Variants in RPL12 observed in about 807,000 individuals in gnomAD.
RPL12 encodes the protein ribosomal protein L12, also known as large ribosomal subunit protein uL11.
A neutral mutation model predicts 24.5 loss-of-function variants in RPL12; 10 were observed. The observed-to-expected ratio is 0.41, with a 90% confidence interval of 0.25 to 0.69. The LOEUF (loss-of-function observed/expected upper bound fraction) is 0.69. Among genes scored for constraint, RPL12 ranks in the 30% least tolerant of loss-of-function variants. The probability of loss-of-function intolerance (pLI) is 0.33; values close to 1 mark genes in which losing one functional copy is unlikely to be tolerated. For synonymous variants in RPL12, 74 were observed against 76.1 expected, an observed-to-expected ratio of 0.97 and a Z score of 0.14; for missense variants, 137 against 205.3, an observed-to-expected ratio of 0.67 and a Z score of 2.03.
intron 4 of RPL12, chr9:127,448,657 C>G: frequency 1.4e-6 from 1 of 736,570 alleles, no homozygotes; most frequent in Non-Finnish European, 2.5e-6. Context: ...CAAGCCTTCA[C>G]AAATCTGACA....
intron 4 of RPL12, 27 bp from the exon 5 acceptor site, chr9:127,448,450 CTT>C (rs757788903): frequency 3.3e-5 from 49 of 1,474,522 alleles, no homozygotes; most frequent in Middle Eastern, 1.7e-4. Context: ...AGCAAAAGCT[CTT>C]TTAAAGTCTG....
At position 127,448,636 on chromosome 9, in the gene RPL12, G is replaced by A. The variant is rs559068212; in HGVS notation, c.293-213C>T. On this transcript the variant is annotated intron_variant, in intron 4 of 6. Coordinates refer to ENST00000361436, the MANE Select transcript of RPL12 (RefSeq NM_000976.4). The stretch of plus-strand genomic sequence containing the variant: ...TGGTCAGGTGCAGTGGCGGGTGGCT[G>A]AGGGCAAAACCAAGCCTTCACAAAT... 5.3e-6 allele frequency: 4 copies of A among 748,182 alleles called. No individual in the cohort carries two copies. In the African/African-American group the frequency reaches 6.8e-5, roughly 13 times the overall value. 46.3% of individuals were successfully genotyped at this position (748,182 alleles called of 1,614,324 possible). A position where few individuals can be genotyped will look rare whatever the true frequency, so the allele number is the denominator to read the frequency against.
chr9:127,449,925 C>T (rs1834246559), intron 2 of RPL12: 2 of 547,996 alleles, frequency 3.6e-6, no homozygotes, highest in East Asian at 3.1e-5. Flanking sequence ...AACCTAGACC[C>T]CCTCCTAAGT....
chr9:127,449,418 G>C (rs1195733831), intron 3 of RPL12, 56 bp from the exon 4 acceptor site: 2 of 1,497,742 alleles, frequency 1.3e-6, no homozygotes, highest in African/African-American at 2.8e-5. Flanking sequence ...TGCCATGCAC[G>C]CTGGCTCTCA....
intron 3 of RPL12, 105 bp from the exon 4 acceptor site, chr9:127,449,467 GT>G: frequency 7.6e-7 from 1 of 1,320,976 alleles, no homozygotes; most frequent in South Asian, 1.2e-5. Context: ...TTTGCCCTAG[GT>G]CCGTACTCTT....
chr9:127,451,143 T>C (rs4837153), intron 1 of RPL12, 138 bp downstream of exon 1: 147,855 of 1,197,342 alleles, frequency 0.12, 11,472 homozygotes, highest in Admixed American at 0.35. Flanking sequence ...AGGCTGAGGC[T>C]TGGCCGGGGC....
Position 127,449,322 on chromosome 9 carries a change from G to C in RPL12, c.251C>G (p.Ala84Gly), listed in dbSNP as rs149234502. The change falls in exon 4 of 7, where the codon GCC becomes GGC. Residue 84 changes from alanine to glycine, a missense_variant. Ala to Gly is a moderately conservative substitution (Grantham distance 60). Coordinates refer to ENST00000361436, the MANE Select transcript of RPL12 (RefSeq NM_000976.4). ...TCTGTCTCTTGGTGGTTCCTTGAGG[G>C]CTTTGATGATCAGGGCAGAGGCAGA... is the stretch of plus-strand genomic sequence containing the variant. ...VPSASALIIK[A>G]LKEPPRDRKK... 9.9e-6 allele frequency: 16 copies of C among 1,611,620 alleles called. No individual in the cohort carries two copies. The African/African-American group carries it at 1.7e-4, about 17-fold the overall frequency.
chr9:127,450,519 A>C (rs1588085159), intron 2 of RPL12: 2 of 523,624 alleles, frequency 3.8e-6, no homozygotes, highest in South Asian at 2.8e-5. Context: ...GCAGCAGTGG[A>C]GACACATGGA....
Position 127,448,416 on chromosome 9 carries a change from G to A in RPL12, c.300C>T (p.His100=), listed in dbSNP as rs1399837668. 4.3e-6 allele frequency: 7 copies of A among 1,609,802 alleles called. No homozygotes were observed. The highest frequency in any genetic ancestry group is 1.3e-5 in the African/African-American group (1 of 74,846). Residue 100 remains histidine, a synonymous_variant, in exon 5 of 7, where the codon CAC becomes CAT. Coordinates refer to ENST00000361436, the MANE Select transcript of RPL12 (RefSeq NM_000976.4). ...TCTCATCAAAAGTGATATTCCCACT[G>A]TGTTTAACTGCAGAAGAGGAAACAG... ...RDRKKQKNIK[H]SGNITFDEIV...
chr9:127,449,937 C>T (rs1353952247), intron 2 of RPL12: 2 of 521,480 alleles, frequency 3.8e-6, no homozygotes, highest in African/African-American at 1.9e-5. Flanking sequence ...CTCCTAAGTG[C>T]CCATGTGCTT....
At chr9:127,448,989 G>A (rs982329115) in intron 4 of RPL12, 9 of 355,278 alleles carry the variant, frequency 2.5e-5, no homozygotes, top group African/African-American at 1.7e-4. Context: ...GCACCACCAG[G>A]CTAATTTTGT....
chr9:127,448,832 C>CTTT (rs368058964), intron 4 of RPL12, among the ~76,000 whole-genome samples: 5 of 143,692 alleles, frequency 3.5e-5, no homozygotes, highest in Non-Finnish European at 3.0e-5. Context: ...CTACATGGCA[C>CTTT]TTTTTTTTTT....
At chr9:127,451,036 G>A (rs1481821266) in intron 1 of RPL12, 11 of 646,740 alleles carry the variant, frequency 1.7e-5, no homozygotes, top group Non-Finnish European at 2.9e-5. Flanking sequence ...GAAACGCCCG[G>A]AGACAAGCCT....
In RPL12 at chr9:127,450,726, C is replaced by T. The variant is rs1834281896; in HGVS notation, c.111+5G>A. On this transcript the variant is annotated splice_donor_5th_base_variant and intron_variant, in intron 2 of 6. Transcript: ENST00000361436. ...AAAAAATGCCCCTTGGAGGGGATAA[C>T]GTACCAGACCCAGGGGGCCGATCTT... The T allele has an allele frequency of 6.4e-7, 1 of 1,573,906 alleles. No individual in the cohort carries two copies. The highest frequency in any genetic ancestry group is 8.6e-7 in the Non-Finnish European group (1 of 1,161,344).
At chr9:127,451,199 C>A in intron 1 of RPL12, 82 bp downstream of exon 1, 2 of 1,559,538 alleles carry the variant, frequency 1.3e-6, no homozygotes, top group Non-Finnish European at 1.7e-6. Context: ...CTTTAAGAGC[C>A]CCATACGGGG....
rs764866170 is a variant in RPL12 at position 127,449,273 on chromosome 9, C to T, written c.292+8G>A. Reference sequence around the variant, plus strand: ...TACCAAAACCAAACTAGGGAAAAGACAACTTACTGTTTTTCTGTTTCTTTC... The same window carrying T: ...TACCAAAACCAAACTAGGGAAAAGATAACTTACTGTTTTTCTGTTTCTTTC... On this transcript the variant is annotated splice_region_variant and intron_variant, in intron 4 of 6. Coordinates refer to ENST00000361436, the MANE Select transcript of RPL12 (RefSeq NM_000976.4). 2.5e-6 allele frequency: 4 copies of T among 1,610,964 alleles called. No homozygotes were observed. The highest frequency in any genetic ancestry group is 1.9e-4 in the Middle Eastern group (1 of 5,208).
At chr9:127,450,438 G>A in intron 2 of RPL12, 1 of 344,496 alleles carries the variant, frequency 2.9e-6, no homozygotes, top group Non-Finnish European at 5.3e-6. Flanking sequence ...ACAGATGTTG[G>A]CTGCCCAATG....
At chr9:127,447,758 GT>G (rs1480844069) in intron 6 of RPL12, 32 bp from the exon 7 acceptor site, 2 of 1,613,418 alleles carry the variant, frequency 1.2e-6, no homozygotes, top group East Asian at 2.2e-5. Context: ...TCAGTAAAAA[GT>G]TTAAAAGGAT....
In RPL12 at chr9:127,450,727, G is replaced by C. The variant is rs1588085438; in HGVS notation, c.111+4C>G. Reference sequence around the variant, plus strand: ...AAAAATGCCCCTTGGAGGGGATAACGTACCAGACCCAGGGGGCCGATCTTG... The same window carrying C: ...AAAAATGCCCCTTGGAGGGGATAACCTACCAGACCCAGGGGGCCGATCTTG... On this transcript the variant is annotated splice_donor_region_variant and intron_variant, in intron 2 of 6. Coordinates refer to ENST00000361436, the MANE Select transcript of RPL12 (RefSeq NM_000976.4). 1.9e-6 allele frequency: 3 copies of C among 1,576,308 alleles called. No homozygotes were observed. Among genetic ancestry groups the C allele is most frequent in the Non-Finnish European group, 2.6e-6 (3 of 1,162,286 alleles).
Sources: allele counts gnomAD v4.1 joint callset (sites outside exome capture counted in the v4.1 genomes callset), GRCh38; gene constraint gnomAD v4.1.1; transcripts MANE v1.5; gene names NCBI Gene and HGNC (gene_info 2026-07-23, HGNC 2026-07-21).